The following NFKB1 variants were observed in gnomAD, a reference collection of about 807,000 sequenced individuals.
NFKB1 encodes nuclear factor kappa B subunit 1, also known as nuclear factor NF-kappa-B p105 subunit.
NFKB1 carries 9 observed loss-of-function variants against 105.1 expected under a neutral mutation model. That is an observed-to-expected ratio of 0.09 (90% confidence interval 0.05 to 0.15). The LOEUF is 0.15. NFKB1 is among the 10% of genes least tolerant of loss of function. NFKB1 has a pLI of 1.00. For missense variants in NFKB1, 830 were observed against 1,203.7 expected (o/e 0.69, Z 4.59); for synonymous variants, 440 against 442.2 (o/e 1.00, Z 0.06).
In NFKB1 at chr4:102,595,884, T is replaced by C. The variant is rs1263751926; in HGVS notation, c.1301-254T>C. On this transcript the variant is annotated intron_variant, in intron 13 of 23. Transcript: ENST00000226574. ...ATAGAAGAGCTTTATTTCATTTTTCTCCTTTACAAATAAGCAAAATGAGAT... is the reference window on the plus strand; with the variant it reads ...ATAGAAGAGCTTTATTTCATTTTTCCCCTTTACAAATAAGCAAAATGAGAT... Among the ~76,000 whole-genome samples, 4 of 152,342 alleles carry C rather than the reference T, an allele frequency of 2.6e-5. 1 individual carries two copies. In the South Asian group the frequency reaches 8.3e-4, roughly 32 times the overall value.
intron 5 of NFKB1, among the ~76,000 whole-genome samples, chr4:102,559,483 C>G (rs1723230431): frequency 6.6e-6 from 1 of 151,772 alleles, no homozygotes; most frequent in African/African-American, 2.4e-5. Context: ...GGAGCAAAAG[C>G]TTAGGAGACA....
At chr4:102,515,566 C>T (rs949298875) in intron 1 of NFKB1, among the ~76,000 whole-genome samples, 1 of 151,960 alleles carries the variant, frequency 6.6e-6, no homozygotes, top group Non-Finnish European at 1.5e-5. Context: ...TTATCTCCTT[C>T]ATTGGTTACT....
intron 2 of NFKB1, among the ~76,000 whole-genome samples, chr4:102,527,668 G>A (rs1347313239): frequency 6.6e-6 from 1 of 152,034 alleles, no homozygotes; most frequent in African/African-American, 2.4e-5. Context: ...GATAAATCTA[G>A]GAACATTTTC....
chr4:102,514,780 A>G (rs999629571), intron 1 of NFKB1, among the ~76,000 whole-genome samples: 1 of 152,170 alleles, frequency 6.6e-6, no homozygotes, highest in Non-Finnish European at 1.5e-5. Flanking sequence ...ATAGGTGCGT[A>G]CACAATAAGA....
chr4:102,537,517 A>AG (rs1741717917), intron 4 of NFKB1: 1 of 169,244 alleles, frequency 5.9e-6, no homozygotes, highest in Non-Finnish European at 1.3e-5. Context: ...GCAGCAATTT[A>AG]AGACAAGGAA....
chr4:102,508,729 A>C (rs1214014460), intron 1 of NFKB1, among the ~76,000 whole-genome samples: 1 of 152,148 alleles, frequency 6.6e-6, no homozygotes, highest in Non-Finnish European at 1.5e-5. Flanking sequence ...TGTGATTTTA[A>C]ACCTGAGTCT....
chr4:102,571,379 C>T (rs1179691037), intron 6 of NFKB1, among the ~76,000 whole-genome samples: 1 of 152,026 alleles, frequency 6.6e-6, no homozygotes. Flanking sequence ...CCATAAAAAC[C>T]CTAGAAGAAG....
rs550504260 is a variant in NFKB1 at position 102,537,670 on chromosome 4, T to C, written c.160-188T>C. ...CCATATCTTAGTGTACAAATATCAA[T>C]TAATACCATTTTTCGTAGTAAGATT... On this transcript the variant is annotated intron_variant, in intron 4 of 23. Coordinates refer to ENST00000226574, the MANE Select transcript of NFKB1 (RefSeq NM_003998.4). 10 of 470,984 alleles carry C rather than the reference T, an allele frequency of 2.1e-5. No homozygotes were observed. In the South Asian group the frequency reaches 2.6e-4, roughly 12 times the overall value. 29.2% of individuals were successfully genotyped at this position (470,984 alleles called of 1,614,324 possible).
chr4:102,607,820 C>G, intron 19 of NFKB1, 69 bp downstream of exon 19: 1 of 1,345,478 alleles, frequency 7.4e-7, no homozygotes, highest in Non-Finnish European at 1.1e-6. Flanking sequence ...TTCAATAGAG[C>G]AGTCATGTTG....
chr4:102,515,272 G>A (rs1173802967), intron 1 of NFKB1, among the ~76,000 whole-genome samples: 8 of 149,424 alleles, frequency 5.4e-5, no homozygotes, highest in Non-Finnish European at 1.0e-4. Flanking sequence ...CACTACGCCC[G>A]GCTAATTTTT....
chr4:102,502,015 G>A (rs1200290809), intron 1 of NFKB1: 2 of 152,340 alleles, frequency 1.3e-5, no homozygotes, highest in African/African-American at 4.8e-5. Flanking sequence ...CCGAAGGGCC[G>A]CGGCCGCCCG....
intron 19 of NFKB1, among the ~76,000 whole-genome samples, chr4:102,609,052 C>G (rs1292960357): frequency 6.6e-6 from 1 of 150,586 alleles, no homozygotes; most frequent in Non-Finnish European, 1.5e-5. Flanking sequence ...AGTTTGGAGG[C>G]CGAGGTAGAA....
intron 1 of NFKB1, among the ~76,000 whole-genome samples, chr4:102,518,586 A>G (rs1231679709): frequency 6.6e-6 from 1 of 152,096 alleles, no homozygotes; most frequent in Admixed American, 6.5e-5. Flanking sequence ...CTTTTGTTGC[A>G]TTAAAAAAAA....
chr4:102,549,531 T>C (rs1381957358), intron 5 of NFKB1, among the ~76,000 whole-genome samples: 1 of 151,154 alleles, frequency 6.6e-6, no homozygotes, highest in Non-Finnish European at 1.5e-5. Context: ...AGTTTCATGG[T>C]GTTGAGTTAT....
rs1409252122 is a variant in NFKB1 at position 102,616,644 on chromosome 4, T to C, written c.*50T>C. The stretch of plus-strand genomic sequence containing the variant: ...GTAAACCAAAGCCCTAAAATTCCAC[T>C]GCGTTGTCCACAAGACAGAAGCTGA... On this transcript the variant is annotated 3_prime_UTR_variant, in exon 24 of 24. Transcript: ENST00000226574. The C allele has an allele frequency of 3.2e-6, 5 of 1,585,448 alleles. No homozygotes were observed. The highest frequency in any genetic ancestry group is 2.7e-5 in the African/African-American group (2 of 74,412).
intron 6 of NFKB1, among the ~76,000 whole-genome samples, chr4:102,576,567 T>C (rs746522256): frequency 2.6e-5 from 4 of 152,190 alleles, no homozygotes; most frequent in Non-Finnish European, 5.9e-5. Flanking sequence ...TGTAGCTGTT[T>C]ATAGTCTTTA....
intron 23 of NFKB1, among the ~76,000 whole-genome samples, chr4:102,615,449 C>T (rs545709809): frequency 3.9e-5 from 6 of 152,316 alleles, no homozygotes; most frequent in African/African-American, 1.4e-4. Context: ...CTCACCCTGC[C>T]AGGGGGCCTT....
chr4:102,614,958 G>GCGA (rs1296169377), intron 23 of NFKB1, among the ~76,000 whole-genome samples: 2 of 152,076 alleles, frequency 1.3e-5, no homozygotes, highest in Admixed American at 1.3e-4. Context: ...CACTTCGTAT[G>GCGA]CGACGCATCG....
chr4:102,513,973 A>G lies in NFKB1; in HGVS notation c.-7-11539A>G, dbSNP rs534167294. 2.6e-3 allele frequency among the ~76,000 whole-genome samples: 390 copies of G among 152,086 alleles called. 1 individual carries two copies. The highest frequency in any genetic ancestry group is 8.7e-3 in the African/African-American group (360 of 41,488). On this transcript the variant is annotated intron_variant, in intron 1 of 23. Coordinates refer to ENST00000226574, the MANE Select transcript of NFKB1 (RefSeq NM_003998.4). ...CAAATCATGAGGTCAGGAGATCGAG[A>G]CCATCCTGGCTCACACGGTGAAACC...
Sources: allele counts gnomAD v4.1 joint callset (sites outside exome capture counted in the v4.1 genomes callset), GRCh38; gene constraint gnomAD v4.1.1; transcripts MANE v1.5; gene names NCBI Gene and HGNC (gene_info 2026-07-23, HGNC 2026-07-21).